The following SCN11A variants were observed in gnomAD, a reference collection of about 807,000 sequenced individuals.
The protein encoded by SCN11A is sodium channel protein type 11 subunit alpha.
A neutral mutation model predicts 162.2 loss-of-function variants in SCN11A; 122 were observed. That is an observed-to-expected ratio of 0.75 (90% CI 0.65 to 0.87). The LOEUF (loss-of-function observed/expected upper bound fraction) is 0.87, where lower values mean the gene tolerates loss of function less well. Ranked by LOEUF, SCN11A falls within the 40% of genes least tolerant of loss-of-function variation. SCN11A has a pLI of 0.00. For synonymous variants in SCN11A, 758 were observed against 751.5 expected, an observed-to-expected ratio of 1.01 and a Z score of -0.14; for missense variants, 2,015 against 2,181.6, an observed-to-expected ratio of 0.92 and a Z score of 1.52.
intron 3 of SCN11A, among the ~76,000 whole-genome samples, chr3:38,955,731 T>A (rs34693190): frequency 0.18 from 27,234 of 152,154 alleles, 3,168 homozygotes; most frequent in African/African-American, 0.33. Flanking sequence ...GAAGATAAAA[T>A]TTTCAGATTC....
chr3:38,913,713 T>C (rs560198839), intron 11 of SCN11A, among the ~76,000 whole-genome samples: 33 of 152,306 alleles, frequency 2.2e-4, no homozygotes, highest in Admixed American at 6.5e-5. Context: ...CTTCTGCATA[T>C]AGCTAGCCAG....
rs1463341665 is a variant in SCN11A at position 38,880,322 on chromosome 3, ATCT to A, written c.3220-202_3220-200del. ...AGTAAGTAAAAATGGAAGAAGGAAA[ATCT>A]TCTTTCTTCTGTTGTCACAATAGTT... On this transcript the variant is annotated intron_variant, in intron 22 of 29. Transcript: ENST00000302328. Among the ~76,000 whole-genome samples the A allele has an allele frequency of 1.4e-4, 22 of 152,262 alleles. No individual in the cohort carries two copies. The South Asian group carries it at 3.1e-3, about 22-fold the overall frequency.
intron 3 of SCN11A, among the ~76,000 whole-genome samples, chr3:38,958,667 G>C (rs2125582439): frequency 6.6e-6 from 1 of 152,136 alleles, no homozygotes; most frequent in Middle Eastern, 3.4e-3. Flanking sequence ...TAGTCTTTTT[G>C]TCCATATATT....
chr3:38,987,311 A>T (rs113132516), intron 2 of SCN11A, among the ~76,000 whole-genome samples: 1,940 of 101,306 alleles, frequency 0.019, 41 homozygotes, highest in African/African-American at 0.077. Context: ...TCTCACACAC[A>T]CACACACACA....
At chr3:38,902,322 T>A (rs1221947036) in intron 16 of SCN11A, among the ~76,000 whole-genome samples, 1 of 152,188 alleles carries the variant, frequency 6.6e-6, no homozygotes, top group Non-Finnish European at 1.5e-5. Context: ...TCAAGCAGCA[T>A]GGAATCTAGT....
At chr3:38,861,752 A>G (rs752940083) in intron 28 of SCN11A, among the ~76,000 whole-genome samples, 1 of 152,206 alleles carries the variant, frequency 6.6e-6, no homozygotes, top group Admixed American at 6.5e-5. Flanking sequence ...AAGATGGATC[A>G]GACTTAACTC....
intron 29 of SCN11A, among the ~76,000 whole-genome samples, chr3:38,848,722 C>G (rs1263527197): frequency 6.6e-6 from 1 of 152,162 alleles, no homozygotes; most frequent in East Asian, 1.9e-4. Context: ...TCTGTTCTTT[C>G]TCTGAGCTCA....
intron 2 of SCN11A, among the ~76,000 whole-genome samples, chr3:38,970,599 G>GTGCC (rs969420312): frequency 1.3e-5 from 2 of 152,204 alleles, no homozygotes; most frequent in African/African-American, 4.8e-5. Flanking sequence ...GTGAGTGTGT[G>GTGCC]TGCCTGCTCA....
chr3:38,927,967 G>A (rs1315667047), intron 7 of SCN11A, among the ~76,000 whole-genome samples: 1 of 152,156 alleles, frequency 6.6e-6, no homozygotes, highest in Non-Finnish European at 1.5e-5. Flanking sequence ...AGAATAGAGA[G>A]CCCAGAAGTA....
At chr3:38,885,263 T>C (rs1345394872) in intron 21 of SCN11A, 25 bp downstream of exon 21, 1 of 1,293,150 alleles carries the variant, frequency 7.7e-7, no homozygotes, top group South Asian at 1.2e-5. Flanking sequence ...TTCTGTGAAC[T>C]GGATGCAGAA....
rs115069832 is a variant in SCN11A at position 38,896,230 on chromosome 3, A to G, written c.2403+615T>C. 2.0e-3 allele frequency among the ~76,000 whole-genome samples: 309 copies of G among 152,250 alleles called. 1 individual carries two copies. Among genetic ancestry groups the G allele is most frequent in the African/African-American group, 7.1e-3 (296 of 41,550 alleles). On this transcript the variant is annotated intron_variant, in intron 18 of 29. Coordinates refer to ENST00000302328, the MANE Select transcript of SCN11A (RefSeq NM_001349253.2). ...GCATAATGTTTGCAGGTTTGGTCCAAACCCCTCTGGCTAGGCCCCAATACC... is the reference window on the plus strand; with the variant it reads ...GCATAATGTTTGCAGGTTTGGTCCAGACCCCTCTGGCTAGGCCCCAATACC...
chr3:38,900,509 A>C (rs527812651), intron 16 of SCN11A, among the ~76,000 whole-genome samples: 32 of 152,262 alleles, frequency 2.1e-4, no homozygotes, highest in Non-Finnish European at 2.9e-4. Flanking sequence ...TATCCCCCAT[A>C]AACTAGAATC....
intron 7 of SCN11A, among the ~76,000 whole-genome samples, chr3:38,931,959 C>T (rs2066248078): frequency 6.6e-6 from 1 of 152,154 alleles, no homozygotes; most frequent in African/African-American, 2.4e-5. Flanking sequence ...AGGAAAAGTA[C>T]AGCTACAAGG....
intron 2 of SCN11A, among the ~76,000 whole-genome samples, chr3:38,998,249 G>A (rs6805416): frequency 0.043 from 6,521 of 152,210 alleles, 261 homozygotes; most frequent in African/African-American, 0.1. Context: ...AGTCCAGAGG[G>A]CAGCTTTTAT....
intron 2 of SCN11A, among the ~76,000 whole-genome samples, chr3:39,026,893 C>T (rs761082929): frequency 6.6e-6 from 1 of 152,120 alleles, no homozygotes; most frequent in Non-Finnish European, 1.5e-5. Flanking sequence ...ATAAGCAAGC[C>T]AAGGACAGAG....
intron 4 of SCN11A, chr3:38,950,618 G>C (rs2066598397): frequency 2.1e-6 from 1 of 476,304 alleles, no homozygotes; most frequent in East Asian, 3.8e-5. Flanking sequence ...CCTGGCAAAA[G>C]GCGGGAAGTT....
At chr3:39,047,052 A>ACCCCCCACCCCCACCCCCATCCCCCCC in intron 1 of SCN11A, among the ~76,000 whole-genome samples, 1 of 15,882 alleles carries the variant, frequency 6.3e-5, no homozygotes, top group Admixed American at 5.7e-4. Flanking sequence ...CCATCCCCCC[A>ACCCCCCACCCCCACCCCCATCCCCCCC]CCCCCACCCC....
At chr3:39,012,095 G>A (rs2031156596) in intron 2 of SCN11A, among the ~76,000 whole-genome samples, 1 of 152,178 alleles carries the variant, frequency 6.6e-6, no homozygotes, top group Admixed American at 6.5e-5. Context: ...GGAGGCCAAG[G>A]CGGGCAGATC....
At chr3:38,927,579 A>G (rs2066164047) in intron 7 of SCN11A, among the ~76,000 whole-genome samples, 1 of 152,246 alleles carries the variant, frequency 6.6e-6, no homozygotes, top group South Asian at 2.1e-4. Flanking sequence ...ACAGTAATCA[A>G]AATAGGGTAA....
Sources: gnomAD v4.1 joint callset for allele counts (sites outside exome capture counted in the v4.1 genomes callset) on GRCh38, gnomAD v4.1.1 for gene constraint, MANE v1.5 for transcripts, NCBI Gene and HGNC (gene_info 2026-07-23, HGNC 2026-07-21) for gene names.